The following SLC14A2 variants were observed in gnomAD, a reference collection of about 807,000 sequenced individuals.
The protein encoded by SLC14A2 is urea transporter 2.
A neutral mutation model predicts 104.6 loss-of-function variants in SLC14A2; 91 were observed. That is an observed-to-expected ratio of 0.87 (90% CI 0.73 to 1.04). SLC14A2 has a LOEUF of 1.04. Ranked by LOEUF, SLC14A2 falls within the 50% of genes least tolerant of loss-of-function variation. The probability of loss-of-function intolerance (pLI) is 0.00; values close to 1 mark genes in which losing one functional copy is unlikely to be tolerated. For missense variants in SLC14A2, 1,189 were observed against 1,156.0 expected, an observed-to-expected ratio of 1.03 and a Z score of -0.41; for synonymous variants, 476 against 466.4, an observed-to-expected ratio of 1.02 and a Z score of -0.27.
chr18:45,563,061 C>T lies in SLC14A2; in HGVS notation c.-34-61570C>T, dbSNP rs190507626. Among the ~76,000 whole-genome samples the T allele has an allele frequency of 3.2e-3, 489 of 152,212 alleles. 1 individual carries two copies. The highest frequency in any genetic ancestry group is 6.8e-3 in the Middle Eastern group (2 of 294). ...AACATTAAATTTTATTAAAAGGAAA[C>T]GCAGGGGGGCTGGCAGGGCCCAGCC... On this transcript the variant is annotated intron_variant, in intron 2 of 20. Coordinates refer to the SLC14A2 transcript ENST00000586448.
chr18:45,505,008 G>A lies in SLC14A2; in HGVS notation c.-35+21686G>A, dbSNP rs546930136. Among the ~76,000 whole-genome samples the A allele has an allele frequency of 5.3e-5, 8 of 152,292 alleles. 1 individual carries two copies. The highest frequency in any genetic ancestry group is 1.9e-4 in the African/African-American group (8 of 41,566). On this transcript the variant is annotated intron_variant, in intron 2 of 20. Transcript: ENST00000586448. The stretch of plus-strand genomic sequence containing the variant: ...AATCTGCTGTTTCATTGCTGCCTTT[G>A]TTGGTTTCCTTAGCAGTTACCCAAT...
Position 45,552,189 on chromosome 18 carries a change from G to A in SLC14A2, c.-35+68867G>A, listed in dbSNP as rs970265032. On this transcript the variant is annotated intron_variant, in intron 2 of 20. Coordinates refer to the SLC14A2 transcript ENST00000586448. The stretch of plus-strand genomic sequence containing the variant: ...ACAAGGGACACAGGAGAATGAAATG[G>A]GCCCAAGAAAACTCTCCATGCAGCT... Among the ~76,000 whole-genome samples, 3 of 152,254 alleles carry A rather than the reference G, an allele frequency of 2.0e-5. No homozygotes were observed. In the South Asian group the frequency reaches 6.2e-4, roughly 32 times the overall value.
intron 1 of SLC14A2, among the ~76,000 whole-genome samples, chr18:45,350,100 G>A (rs186640714): frequency 7.2e-5 from 11 of 152,324 alleles, no homozygotes; most frequent in Admixed American, 6.5e-4. Flanking sequence ...ACAGACCCTT[G>A]AGCATGGTCC....
chr18:45,410,795 A>G (rs1157672251), intron 1 of SLC14A2, among the ~76,000 whole-genome samples: 2 of 152,334 alleles, frequency 1.3e-5, no homozygotes, highest in South Asian at 2.1e-4. Context: ...AAATAAAGCT[A>G]TGCTCTGCCT....
intron 1 of SLC14A2, among the ~76,000 whole-genome samples, chr18:45,409,224 C>A (rs74373897): frequency 0.034 from 5,220 of 152,244 alleles, 297 homozygotes; most frequent in African/African-American, 0.12. Flanking sequence ...TAGACATAAT[C>A]TACTGCAAGG....
At chr18:45,485,483 G>T (rs1190590575) in intron 2 of SLC14A2, among the ~76,000 whole-genome samples, 1 of 152,112 alleles carries the variant, frequency 6.6e-6, no homozygotes, top group African/African-American at 2.4e-5. Flanking sequence ...TAATGTTGGT[G>T]ATTTCAGTTT....
intron 1 of SLC14A2, among the ~76,000 whole-genome samples, chr18:45,482,156 A>G (rs1003166066): frequency 6.6e-6 from 1 of 152,230 alleles, no homozygotes; most frequent in Non-Finnish European, 1.5e-5. Flanking sequence ...ACTTCAAGGA[A>G]TTTATCCTTA....
the SLC14A2 span, among the ~76,000 whole-genome samples, chr18:45,173,487 GAA>G: frequency 1.4e-5 from 2 of 137,968 alleles, no homozygotes; most frequent in Admixed American, 7.2e-5. Flanking sequence ...AGGGAGAAAA[GAA>G]AAAAAAAAAA....
intron 10 of SLC14A2, among the ~76,000 whole-genome samples, chr18:45,650,606 T>G (rs1345607234): frequency 2.0e-5 from 3 of 152,236 alleles, no homozygotes; most frequent in Non-Finnish European, 4.4e-5. Flanking sequence ...GACCAGCTCC[T>G]GCCTTCAAGG....
At chr18:45,432,362 C>A (rs1273501527) in intron 1 of SLC14A2, among the ~76,000 whole-genome samples, 1 of 152,168 alleles carries the variant, frequency 6.6e-6, no homozygotes, top group African/African-American at 2.4e-5. Context: ...CATTATGAAA[C>A]CATCCTCCAA....
In SLC14A2 at chr18:45,632,384, G is replaced by C. The variant is rs577619398; in HGVS notation, c.556G>C (p.Gly186Arg). ...AIASGLHGYN[G>R]MLVGLLMAVF... ...TGCCTCAGGACTCCATGGGTACAAC[G>C]GGATGCTGGTGGGACTGCTGATGGC... The change falls in exon 5 of 20, where the codon GGG becomes CGG. Residue 186 changes from glycine to arginine, a missense_variant. Gly to Arg is a moderately radical substitution (Grantham distance 125). Transcript: ENST00000255226. 6.2e-7 allele frequency: 1 copy of C among 1,613,800 alleles called. No homozygotes were observed. Among genetic ancestry groups the C allele is most frequent in the Admixed American group, 1.7e-5 (1 of 59,986 alleles).
At chr18:45,506,168 CACTA>C (rs747984769) in intron 2 of SLC14A2, among the ~76,000 whole-genome samples, 20 of 152,208 alleles carry the variant, frequency 1.3e-4, no homozygotes, top group Non-Finnish European at 2.4e-4. Context: ...CTGACTCACA[CACTA>C]ACTGAGGCCC....
At chr18:45,196,838 C>T in the SLC14A2 span, among the ~76,000 whole-genome samples, 4 of 152,164 alleles carry the variant, frequency 2.6e-5, no homozygotes, top group African/African-American at 7.2e-5. Context: ...ATTTACTTGG[C>T]GAATAGAACT....
chr18:45,655,045 C>G (rs79316568), intron 10 of SLC14A2, among the ~76,000 whole-genome samples: 2 of 152,326 alleles, frequency 1.3e-5, no homozygotes, highest in East Asian at 3.9e-4. Flanking sequence ...CCTCTCTCCT[C>G]AGTTCCTGTA....
chr18:45,241,815 G>A (rs2084320957), intron 1 of SLC14A2, among the ~76,000 whole-genome samples: 1 of 151,608 alleles, frequency 6.6e-6, no homozygotes, highest in South Asian at 2.1e-4. Flanking sequence ...AGTTAATTTT[G>A]TATTTTTAGT....
At chr18:45,601,744 C>T (rs538802794) in intron 2 of SLC14A2, among the ~76,000 whole-genome samples, 3 of 152,304 alleles carry the variant, frequency 2.0e-5, no homozygotes, top group South Asian at 2.1e-4. Context: ...CAGACTGGCC[C>T]ATTAATAAGC....
chr18:45,227,277 A>C (rs748598538), intron 1 of SLC14A2, among the ~76,000 whole-genome samples: 4 of 152,212 alleles, frequency 2.6e-5, no homozygotes, highest in Non-Finnish European at 4.4e-5. Flanking sequence ...CAAAAATGTG[A>C]GCTGGGCATT....
At chr18:45,464,017 T>C (rs1020148760) in intron 1 of SLC14A2, among the ~76,000 whole-genome samples, 15 of 152,218 alleles carry the variant, frequency 9.9e-5, no homozygotes, top group Non-Finnish European at 2.2e-4. Flanking sequence ...AAGAACATAC[T>C]TTAAAATAAA....
At chr18:45,332,688 T>G (rs1331021505) in intron 1 of SLC14A2, among the ~76,000 whole-genome samples, 1 of 152,154 alleles carries the variant, frequency 6.6e-6, no homozygotes, top group African/African-American at 2.4e-5. Flanking sequence ...AATTGCAAAG[T>G]TGAGTCAAAG....
Sources: gnomAD v4.1 joint callset for allele counts (sites outside exome capture counted in the v4.1 genomes callset) on GRCh38, gnomAD v4.1.1 for gene constraint, MANE v1.5 for transcripts, NCBI Gene and HGNC (gene_info 2026-07-23, HGNC 2026-07-21) for gene names.